Variants in TSHZ2 observed in about 807,000 individuals in gnomAD.
TSHZ2 encodes the protein teashirt zinc finger homeobox 2, also known as teashirt homolog 2.
Under a neutral mutation model 74.4 loss-of-function variants are expected in TSHZ2, and 21 were observed. The observed-to-expected ratio is 0.28, with a 90% CI of 0.20 to 0.41. The LOEUF (loss-of-function observed/expected upper bound fraction) is 0.41. Ranked by LOEUF, TSHZ2 falls within the 10% of genes least tolerant of loss-of-function variation. The pLI, the probability that TSHZ2 is intolerant of heterozygous loss-of-function variation, is 1.00. For missense variants in TSHZ2, 1,244 were observed against 1,293.5 expected (o/e 0.96, Z 0.59); for synonymous variants, 540 against 515.3 (o/e 1.05, Z -0.65).
intron 2 of TSHZ2, among the ~76,000 whole-genome samples, chr20:53,325,646 C>A (rs1979456752): frequency 6.6e-6 from 1 of 150,754 alleles, no homozygotes; most frequent in Non-Finnish European, 1.5e-5. Flanking sequence ...CAAGTTGCTG[C>A]ATGAGGGGGA....
chr20:53,210,022 T>C (rs1488809855), intron 1 of TSHZ2, among the ~76,000 whole-genome samples: 2 of 152,216 alleles, frequency 1.3e-5, no homozygotes, highest in Non-Finnish European at 2.9e-5. Flanking sequence ...TGATGTAGCG[T>C]TAAGTCGGAA....
intron 2 of TSHZ2, among the ~76,000 whole-genome samples, chr20:53,486,401 T>C (rs1986290638): frequency 6.6e-6 from 1 of 152,172 alleles, no homozygotes; most frequent in African/African-American, 2.4e-5. Context: ...ATATTTTTTT[T>C]CTTAAAGTTG....
chr20:53,231,561 G>T (rs1989825040), intron 1 of TSHZ2, among the ~76,000 whole-genome samples: 1 of 152,206 alleles, frequency 6.6e-6, no homozygotes, highest in African/African-American at 2.4e-5. Flanking sequence ...TCAATGGGTA[G>T]TTGTGGTCTC....
In TSHZ2 at chr20:53,255,513, C is replaced by T. The variant is rs142682835; in HGVS notation, c.2055C>T (p.His685=). Residue 685 remains histidine, a synonymous_variant, in exon 2 of 3, where the codon CAC becomes CAT. Transcript: ENST00000371497. This position sits in a 1 kb window ranked among gnomAD's most constrained non-coding sequence, Gnocchi z 4.1. The part of the protein sequence containing the change: ...ALSNGCALAN[H]APALPCINPL... ...GCAATGGGTGCGCCCTCGCCAACCA[C>T]GCCCCGGCCCTGCCATGCATCAACC... 5.2e-4 allele frequency: 822 copies of T among 1,588,508 alleles called. 4 individuals are homozygous for T. The African/African-American group carries it at 9.3e-3, about 18-fold the overall frequency.
At chr20:53,065,479 A>G (rs1984952691) in intron 1 of TSHZ2, among the ~76,000 whole-genome samples, 2 of 152,230 alleles carry the variant, frequency 1.3e-5, no homozygotes, top group South Asian at 4.1e-4. Context: ...ATAATGAAAC[A>G]TAATATTCAA....
intron 1 of TSHZ2, among the ~76,000 whole-genome samples, chr20:53,036,303 A>T (rs1466215647): frequency 2.6e-5 from 4 of 152,186 alleles, no homozygotes; most frequent in Non-Finnish European, 4.4e-5. Context: ...TTTGTGCAAG[A>T]CACTGTGATC....
At chr20:53,207,330 G>A (rs1352871762) in intron 1 of TSHZ2, among the ~76,000 whole-genome samples, 7 of 152,036 alleles carry the variant, frequency 4.6e-5, no homozygotes, top group Non-Finnish European at 8.8e-5. Flanking sequence ...TTTTTTCAGG[G>A]GTGGGGGGCA....
chr20:53,028,255 C>T (rs1416155482), intron 1 of TSHZ2, among the ~76,000 whole-genome samples: 1 of 152,182 alleles, frequency 6.6e-6, no homozygotes, highest in Admixed American at 6.5e-5. Context: ...CCACTACATC[C>T]CCCTTCACCT....
At chr20:53,182,226 T>G (rs1056228903) in intron 1 of TSHZ2, among the ~76,000 whole-genome samples, 39 of 149,382 alleles carry the variant, frequency 2.6e-4, no homozygotes, top group Non-Finnish European at 8.9e-5. Context: ...TCCTTCCCTC[T>G]TGACTCCCTC....
intron 2 of TSHZ2, among the ~76,000 whole-genome samples, chr20:53,391,196 G>C (rs1488097850): frequency 6.6e-6 from 1 of 152,130 alleles, no homozygotes; most frequent in Non-Finnish European, 1.5e-5. Context: ...GCCCAGGCTG[G>C]AGTGCAGTGG....
In TSHZ2 at chr20:53,218,538, G is replaced by C. The variant is rs189640549; in HGVS notation, c.41-34961G>C. Among the ~76,000 whole-genome samples the C allele has an allele frequency of 2.2e-3, 332 of 152,238 alleles. 1 individual carries two copies. The highest frequency in any genetic ancestry group is 3.6e-3 in the Non-Finnish European group (245 of 68,028). On this transcript the variant is annotated intron_variant, in intron 1 of 2. Coordinates refer to ENST00000371497, the MANE Select transcript of TSHZ2 (RefSeq NM_173485.6). ...GCAAAATCCAAACATCTACCGCATT[G>C]GTTCTATATTCGCAGATGACGAGAT...
intron 1 of TSHZ2, among the ~76,000 whole-genome samples, chr20:53,106,390 T>C (rs1255525879): frequency 4.7e-5 from 6 of 126,686 alleles, no homozygotes; most frequent in Non-Finnish European, 9.7e-5. Context: ...TCTCACACTT[T>C]CTTTTTTTTT....
chr20:53,298,452 T>C (rs1991422643), intron 2 of TSHZ2, among the ~76,000 whole-genome samples: 1 of 152,194 alleles, frequency 6.6e-6, no homozygotes, highest in Non-Finnish European at 1.5e-5. Context: ...TGAACTTTTT[T>C]GCTGACACAT....
chr20:53,401,448 G>A (rs991506986), intron 2 of TSHZ2, among the ~76,000 whole-genome samples: 87 of 151,890 alleles, frequency 5.7e-4, no homozygotes, highest in African/African-American at 2.1e-3. Flanking sequence ...TGGTTACATG[G>A]GTAAGTTCTT....
At chr20:53,236,172 A>G (rs1183940854) in intron 1 of TSHZ2, among the ~76,000 whole-genome samples, 1 of 152,188 alleles carries the variant, frequency 6.6e-6, no homozygotes, top group Non-Finnish European at 1.5e-5. Flanking sequence ...CCTGCCTGTA[A>G]CTTCACAATC....
chr20:53,413,924 T>C (rs1342871217), intron 2 of TSHZ2, among the ~76,000 whole-genome samples: 1 of 152,100 alleles, frequency 6.6e-6, no homozygotes, highest in Non-Finnish European at 1.5e-5. Context: ...GGAGGATCAC[T>C]TGAGTCCAAG....
At chr20:53,328,224 A>C (rs757243610) in intron 2 of TSHZ2, among the ~76,000 whole-genome samples, 4 of 152,206 alleles carry the variant, frequency 2.6e-5, no homozygotes, top group Non-Finnish European at 4.4e-5. Flanking sequence ...AGCATGCTTC[A>C]TCTGTGCTGT....
chr20:53,364,146 G>A lies in TSHZ2; in HGVS notation c.*8+107575G>A, dbSNP rs764499252. On this transcript the variant is annotated intron_variant, in intron 2 of 2. Transcript: ENST00000371497. ...GCAACAGACACTCAGCATTAAGGTC[G>A]AGGGTTCGACTCCTTGCAGGGCATG... Among the ~76,000 whole-genome samples, 165 of 152,222 alleles carry A rather than the reference G, an allele frequency of 1.1e-3. 3 individuals carry two copies. The highest frequency in any genetic ancestry group is 1.0e-3 in the Non-Finnish European group (69 of 68,010).
chr20:53,257,718 T>C (rs1235890612), intron 2 of TSHZ2, among the ~76,000 whole-genome samples: 2 of 152,242 alleles, frequency 1.3e-5, no homozygotes, highest in African/African-American at 4.8e-5. Flanking sequence ...TTCCCCAAGA[T>C]GGGAACCCAA....
Sources: allele counts gnomAD v4.1 joint callset (sites outside exome capture counted in the v4.1 genomes callset), GRCh38; gene constraint gnomAD v4.1.1; non-coding constraint Gnocchi (gnomAD v3.1); transcripts MANE v1.5; gene names NCBI Gene and HGNC (gene_info 2026-07-23, HGNC 2026-07-21).